Variants in TOX2 observed in about 807,000 individuals in gnomAD.
TOX2 encodes TOX high mobility group box family member 2, also known as granulosa cell HMG box 1.
In TOX2, 15 loss-of-function variants were observed where a neutral mutation model predicts 47.4. The ratio of observed to expected loss-of-function variants is 0.32; its 90% CI spans 0.21 to 0.49. TOX2 has a LOEUF of 0.49. TOX2 is among the 20% of genes least tolerant of loss of function. The pLI, the probability that TOX2 is intolerant of heterozygous loss-of-function variation, is 0.99. For synonymous variants in TOX2, 290 were observed against 296.6 expected, an observed-to-expected ratio of 0.98 and a Z score of 0.23; for missense variants, 622 against 673.1, an observed-to-expected ratio of 0.92 and a Z score of 0.84.
intron 5 of TOX2, among the ~76,000 whole-genome samples, chr20:44,062,748 T>C (rs1184329076): frequency 1.3e-5 from 2 of 151,182 alleles, no homozygotes; most frequent in East Asian, 3.9e-4. Flanking sequence ...TCAAACTATA[T>C]GGCCATAGTC....
chr20:43,985,397 A>G lies in TOX2; in HGVS notation c.165+11965A>G, dbSNP rs144454628. Among the ~76,000 whole-genome samples, 898 of 152,334 alleles carry G rather than the reference A, an allele frequency of 5.9e-3. 5 individuals are homozygous for G. Among genetic ancestry groups the G allele is most frequent in the Non-Finnish European group, 0.01 (710 of 68,020 alleles). ...TGTGTCACATTTCAGCCCACCAGGCATGATGATAAGGAGCTGGGTTATAAA... is the reference window on the plus strand; with the variant it reads ...TGTGTCACATTTCAGCCCACCAGGCGTGATGATAAGGAGCTGGGTTATAAA... On this transcript the variant is annotated intron_variant, in intron 2 of 8. Transcript: ENST00000341197.
chr20:44,054,925 G>C (rs1223577891), intron 5 of TOX2, among the ~76,000 whole-genome samples: 1 of 152,228 alleles, frequency 6.6e-6, no homozygotes, highest in African/African-American at 2.4e-5. Flanking sequence ...ATAGAGAGCA[G>C]AACTAGCTGG....
intron 3 of TOX2, among the ~76,000 whole-genome samples, chr20:44,043,616 T>C (rs764790830): frequency 1.1e-4 from 16 of 152,240 alleles, no homozygotes; most frequent in African/African-American, 2.9e-4. Context: ...AATTCCATTA[T>C]GTGAATACAC....
intron 1 of TOX2, among the ~76,000 whole-genome samples, chr20:43,955,511 A>AT (rs1046283871): frequency 4.6e-5 from 7 of 151,798 alleles, no homozygotes; most frequent in South Asian, 2.1e-4. Flanking sequence ...TAAAAGGAGA[A>AT]TTTTTTTTTA....
At chr20:44,042,165 C>T (rs144588785) in intron 3 of TOX2, among the ~76,000 whole-genome samples, 68 of 152,248 alleles carry the variant, frequency 4.5e-4, no homozygotes, top group South Asian at 1.0e-3. Flanking sequence ...TCTTACGTGG[C>T]GGCAGACAAG....
intron 2 of TOX2, among the ~76,000 whole-genome samples, chr20:43,993,070 C>T (rs1169782902): frequency 1.3e-5 from 2 of 151,968 alleles, no homozygotes; most frequent in East Asian, 1.9e-4. Context: ...GAGGAAGGCA[C>T]GTGGCATGTC....
At chr20:43,984,059 C>T (rs1376183578) in intron 2 of TOX2, among the ~76,000 whole-genome samples, 2 of 152,088 alleles carry the variant, frequency 1.3e-5, no homozygotes, top group Non-Finnish European at 2.9e-5. Context: ...GTGAAGAGCT[C>T]GCGATTCATA....
chr20:43,940,999 A>G (rs1282182274), intron 1 of TOX2, among the ~76,000 whole-genome samples: 1 of 152,230 alleles, frequency 6.6e-6, no homozygotes, highest in African/African-American at 2.4e-5. Flanking sequence ...ATGGTTGGGC[A>G]TGACAGAGCT....
intron 3 of TOX2, among the ~76,000 whole-genome samples, chr20:44,040,054 G>A (rs1229798067): frequency 6.6e-6 from 1 of 152,238 alleles, no homozygotes; most frequent in Non-Finnish European, 1.5e-5. Context: ...TCTGATTGGA[G>A]TAGGGGTCTC....
At chr20:43,931,707 G>A (rs969381831) in intron 1 of TOX2, among the ~76,000 whole-genome samples, 1 of 152,188 alleles carries the variant, frequency 6.6e-6, no homozygotes, top group East Asian at 1.9e-4. Flanking sequence ...TACTGGACGG[G>A]GCAAGAGTGG....
At chr20:43,984,940 C>A (rs2070239123) in intron 2 of TOX2, among the ~76,000 whole-genome samples, 1 of 152,152 alleles carries the variant, frequency 6.6e-6, no homozygotes, top group African/African-American at 2.4e-5. Flanking sequence ...AACTTAGCAT[C>A]CCCTGTAGGA....
chr20:44,065,832 C>A lies in TOX2; in HGVS notation c.1081C>A (p.Leu361Met), dbSNP rs2071805999. ...GGCCTCCTTCCTGACGCCGTCGGAC[C>A]TGCAGGCCTTCCGCAGTGGGGCCTC... The part of the protein sequence containing the change: ...GLASFLTPSD[L>M]QAFRSGASPA... The change falls in exon 7 of 9, where the codon CTG becomes ATG. Residue 361 changes from leucine (L) to methionine (M), a missense_variant. Around this residue, in one of 3 missense-constraint regions of TOX2, gnomAD observed 294 missense variants for 300.0 expected, o/e 0.98. Coordinates refer to ENST00000341197, the MANE Select transcript of TOX2 (RefSeq NM_001098797.2). The A allele has an allele frequency of 6.2e-7, 1 of 1,613,912 alleles. No individual in the cohort carries two copies. Among genetic ancestry groups the A allele is most frequent in the African/African-American group, 1.3e-5 (1 of 75,066 alleles).
intron 3 of TOX2, among the ~76,000 whole-genome samples, chr20:44,041,143 C>T (rs1014999244): frequency 6.6e-6 from 1 of 152,226 alleles, no homozygotes; most frequent in African/African-American, 2.4e-5. Flanking sequence ...TGGAGCGCAG[C>T]TTCACTGCAC....
intron 3 of TOX2, among the ~76,000 whole-genome samples, chr20:44,047,160 G>A (rs547527997): frequency 6.6e-6 from 1 of 152,306 alleles, no homozygotes; most frequent in East Asian, 1.9e-4. Flanking sequence ...TTACAGTGCA[G>A]AGTTTCTCAA....
chr20:44,032,371 C>T (rs960629951), intron 3 of TOX2, among the ~76,000 whole-genome samples: 8 of 152,202 alleles, frequency 5.3e-5, no homozygotes, highest in African/African-American at 1.4e-4. Context: ...ATGCCAGGAG[C>T]GTCCCCGCGG....
At chr20:43,997,593 CA>C (rs1178144267) in intron 2 of TOX2, among the ~76,000 whole-genome samples, 1 of 151,570 alleles carries the variant, frequency 6.6e-6, no homozygotes, top group Non-Finnish European at 1.5e-5. Context: ...TTAGCCTTTT[CA>C]AAAAAACAAT....
intron 3 of TOX2, among the ~76,000 whole-genome samples, chr20:44,030,822 A>T (rs967602187): frequency 6.6e-6 from 1 of 152,232 alleles, no homozygotes; most frequent in African/African-American, 2.4e-5. Flanking sequence ...ACAAGAGTTT[A>T]TGGGAAAAAT....
chr20:44,050,270 G>T (rs1185494983), intron 3 of TOX2, among the ~76,000 whole-genome samples: 4 of 152,186 alleles, frequency 2.6e-5, no homozygotes, highest in Non-Finnish European at 5.9e-5. Context: ...TGCGGAGGAA[G>T]GGATAGCTAA....
chr20:44,022,161 C>T (rs943067038), intron 3 of TOX2, among the ~76,000 whole-genome samples: 7 of 152,232 alleles, frequency 4.6e-5, no homozygotes, highest in Non-Finnish European at 7.3e-5. Context: ...TCCTTGTCTT[C>T]TCTGTGCCCA....
Sources: gnomAD v4.1 joint callset for allele counts (sites outside exome capture counted in the v4.1 genomes callset) on GRCh38, gnomAD v4.1.1 for gene constraint, gnomAD v4.1.1 regional missense constraint, MANE v1.5 for transcripts, NCBI Gene and HGNC (gene_info 2026-07-23, HGNC 2026-07-21) for gene names.